Variants in PIK3C2G observed in about 807,000 individuals in gnomAD.
The protein encoded by PIK3C2G is phosphatidylinositol-4-phosphate 3-kinase catalytic subunit type 2 gamma, also known as phosphatidylinositol 3-kinase C2 domain-containing subunit gamma.
A neutral mutation model predicts 181.1 loss-of-function variants in PIK3C2G; 168 were observed. The observed-to-expected ratio is 0.93, with a 90% confidence interval of 0.82 to 1.05. PIK3C2G has a LOEUF of 1.05. Ranked by LOEUF, PIK3C2G falls within the 50% of genes least tolerant of loss-of-function variation. The pLI is 0.00. For missense variants in PIK3C2G, 1,869 were observed against 1,732.8 expected, an observed-to-expected ratio of 1.08 and a Z score of -1.40; for synonymous variants, 573 against 592.2, an observed-to-expected ratio of 0.97 and a Z score of 0.47.
At chr12:18,365,050 T>G (rs1276622138) in intron 12 of PIK3C2G, among the ~76,000 whole-genome samples, 1 of 152,214 alleles carries the variant, frequency 6.6e-6, no homozygotes, top group Non-Finnish European at 1.5e-5. Context: ...AAAAATCTAA[T>G]TCTAAACTCA....
intron 4 of PIK3C2G, among the ~76,000 whole-genome samples, chr12:18,292,253 T>TATATATAC (rs1166738588): frequency 7.4e-6 from 1 of 135,598 alleles, no homozygotes; most frequent in East Asian, 2.1e-4. Flanking sequence ...TATATATATA[T>TATATATAC]ATGGATTTAT....
intron 26 of PIK3C2G, among the ~76,000 whole-genome samples, chr12:18,548,051 C>A (rs1388071384): frequency 6.6e-6 from 1 of 151,924 alleles, no homozygotes; most frequent in African/African-American, 2.4e-5. Flanking sequence ...TTACTCCTTC[C>A]CCTCTGACTG....
At chr12:18,654,044 C>G in the PIK3C2G span, among the ~76,000 whole-genome samples, 20 of 151,832 alleles carry the variant, frequency 1.3e-4, no homozygotes, top group South Asian at 3.7e-3. Flanking sequence ...GCAATGGTAG[C>G]AGAAGAAGGA....
chr12:18,648,132 C>A lies in PIK3C2G; in HGVS notation c.*104C>A. The A allele has an allele frequency of 1.7e-6, 1 of 604,596 alleles. No individual in the cohort carries two copies. Among genetic ancestry groups the A allele is most frequent in the Non-Finnish European group, 2.7e-6 (1 of 373,398 alleles). 37.5% of individuals were successfully genotyped at this position (604,596 alleles called of 1,614,324 possible). On this transcript the variant is annotated 3_prime_UTR_variant, in exon 33 of 33. Coordinates refer to ENST00000538779, the MANE Select transcript of PIK3C2G (RefSeq NM_001288772.2). Reference sequence around the variant, plus strand: ...GGCATCTTTGTTGTCAAAGACAGCACAGGGTATTAAGGACACAGAAAAAAA... The same window carrying A: ...GGCATCTTTGTTGTCAAAGACAGCAAAGGGTATTAAGGACACAGAAAAAAA...
chr12:18,299,672 G>A (rs978706137), intron 5 of PIK3C2G, among the ~76,000 whole-genome samples: 2 of 151,870 alleles, frequency 1.3e-5, no homozygotes, highest in African/African-American at 4.8e-5. Context: ...GATGTTAATG[G>A]TGGGTTTGTC....
rs929044843 is a variant in PIK3C2G, at chr12:18,490,416, C to CA, written c.2686-1028dup. On this transcript the variant is annotated intron_variant, in intron 19 of 32. Coordinates refer to ENST00000538779, the MANE Select transcript of PIK3C2G (RefSeq NM_001288772.2). ...TTTTAATTTTCAATTTTAAAATGCA[C>CA]AAAAAAATTTTTCTACCATAGTTAC... Among the ~76,000 whole-genome samples, 14 of 152,120 alleles carry CA rather than the reference C, an allele frequency of 9.2e-5. No individual in the cohort carries two copies. In the East Asian group the frequency reaches 2.5e-3, roughly 27 times the overall value.
chr12:18,712,600 T>TAC, the PIK3C2G span, among the ~76,000 whole-genome samples: 2 of 151,962 alleles, frequency 1.3e-5, no homozygotes, highest in African/African-American at 2.4e-5. Flanking sequence ...TGTGAAACAA[T>TAC]ACACACACAC....
At chr12:18,669,665 CT>C in the PIK3C2G span, among the ~76,000 whole-genome samples, 538 of 148,596 alleles carry the variant, frequency 3.6e-3, 2 homozygotes, top group Admixed American at 5.9e-3. Flanking sequence ...CTCTTCCTCT[CT>C]TTTTTTTTTG....
At chr12:18,442,773 T>G (rs1418237241) in intron 18 of PIK3C2G, among the ~76,000 whole-genome samples, 1 of 152,196 alleles carries the variant, frequency 6.6e-6, no homozygotes, top group African/African-American at 2.4e-5. Context: ...TTTAAAATGA[T>G]TAGAAAATTA....
At chr12:18,508,644 G>A (rs1346168225) in intron 24 of PIK3C2G, among the ~76,000 whole-genome samples, 1 of 152,118 alleles carries the variant, frequency 6.6e-6, no homozygotes, top group Non-Finnish European at 1.5e-5. Context: ...CACTTATGCT[G>A]GAGGTTGCAA....
intron 13 of PIK3C2G, among the ~76,000 whole-genome samples, chr12:18,376,693 A>T (rs1942463215): frequency 6.6e-6 from 1 of 152,158 alleles, no homozygotes; most frequent in Admixed American, 6.6e-5. Flanking sequence ...TGGAGGTAGG[A>T]CACGGTGGGA....
rs114273431 is a variant in PIK3C2G, at chr12:18,477,665, G to A, written c.2505-10784G>A. On this transcript the variant is annotated intron_variant, in intron 18 of 32. Transcript: ENST00000538779. ...GACAACGAACGAGAATGCTGCAGAA[G>A]TTTTCTCAGGACATCAAACACAACT... is the stretch of plus-strand genomic sequence containing the variant. 9.7e-3 allele frequency among the ~76,000 whole-genome samples: 1,479 copies of A among 152,262 alleles called. 30 individuals carry two copies. The highest frequency in any genetic ancestry group is 0.034 in the African/African-American group (1,422 of 41,550).
intron 25 of PIK3C2G, 47 bp downstream of exon 25, chr12:18,538,359 G>T: frequency 6.6e-7 from 1 of 1,520,086 alleles, no homozygotes; most frequent in Non-Finnish European, 8.9e-7. Flanking sequence ...CTTCATTTAT[G>T]CCTCTGCTTC....
In PIK3C2G at chr12:18,399,855, T is replaced by C. The variant is rs1944145125; in HGVS notation, c.2315+8T>C. 12 of 1,550,534 alleles carry C rather than the reference T, an allele frequency of 7.7e-6. No individual in the cohort carries two copies. The highest frequency in any genetic ancestry group is 1.1e-5 in the Non-Finnish European group (12 of 1,135,960). ...TGGGCTTTTGACTTCCAGGTAAGAA[T>C]TGCATAACAAGCATGATATTACTGA... On this transcript the variant is annotated splice_region_variant and intron_variant, in intron 16 of 32. Coordinates refer to ENST00000538779, the MANE Select transcript of PIK3C2G (RefSeq NM_001288772.2).
rs141006806 is a variant in PIK3C2G at position 18,297,315 on chromosome 12, C to A, written c.1034+3300C>A. On this transcript the variant is annotated intron_variant, in intron 5 of 32. Coordinates refer to ENST00000538779, the MANE Select transcript of PIK3C2G (RefSeq NM_001288772.2). ...TCTCTAGCCAAATATTTACTAGGAG[C>A]GCAGGTTTTTCTGTTTCTCAATCCT... 7.8e-3 allele frequency among the ~76,000 whole-genome samples: 1,182 copies of A among 151,920 alleles called. 47 individuals are homozygous for A. The highest frequency in any genetic ancestry group is 0.064 in the East Asian group (331 of 5,160).
intron 20 of PIK3C2G, chr12:18,493,094 G>A (rs912457734): frequency 2.6e-5 from 4 of 152,266 alleles, no homozygotes; most frequent in African/African-American, 9.7e-5. Flanking sequence ...AAACCTTACA[G>A]TTGAAATGAG....
At chr12:18,500,263 C>G (rs1006376493) in intron 22 of PIK3C2G, among the ~76,000 whole-genome samples, 1 of 152,122 alleles carries the variant, frequency 6.6e-6, no homozygotes, top group African/African-American at 2.4e-5. Context: ...CCTGCCGGCC[C>G]GGGCAATGAG....
intron 22 of PIK3C2G, among the ~76,000 whole-genome samples, chr12:18,501,021 C>T (rs1201359356): frequency 6.6e-6 from 1 of 151,926 alleles, no homozygotes; most frequent in Non-Finnish European, 1.5e-5. Flanking sequence ...GCCAGCGAGA[C>T]CACGAACCCA....
intron 29 of PIK3C2G, among the ~76,000 whole-genome samples, chr12:18,573,234 G>T (rs1186774685): frequency 4.6e-5 from 7 of 152,140 alleles, no homozygotes; most frequent in African/African-American, 1.7e-4. Flanking sequence ...AGGGACATTA[G>T]CAATCTGAGA....
Sources: gnomAD v4.1 joint callset for allele counts (sites outside exome capture counted in the v4.1 genomes callset) on GRCh38, gnomAD v4.1.1 for gene constraint, MANE v1.5 for transcripts, NCBI Gene and HGNC (gene_info 2026-07-23, HGNC 2026-07-21) for gene names.